CSMD1: variants seen among roughly 807,000 people sequenced by gnomAD.
CSMD1 encodes CUB and sushi domain-containing protein 1.
CSMD1 carries 213 observed loss-of-function variants against 417.5 expected under a neutral mutation model. The observed-to-expected ratio is 0.51, with a 90% CI of 0.46 to 0.57. CSMD1 has a LOEUF of 0.57. CSMD1 is among the 20% of genes least tolerant of loss of function. The pLI, the probability that CSMD1 is intolerant of heterozygous loss-of-function variation, is 0.00. For synonymous variants in CSMD1, 2,862 were observed against 1,736.8 expected (o/e 1.65, Z -16.11); for missense variants, 6,923 against 4,529.7 (o/e 1.53, Z -15.17).
intron 10 of CSMD1, among the ~76,000 whole-genome samples, chr8:3,521,624 G>A (rs189036962): frequency 6.6e-6 from 1 of 152,134 alleles, no homozygotes; most frequent in African/African-American, 2.4e-5. Flanking sequence ...CTTGTACACG[G>A]AGCAAAGTAC....
intron 10 of CSMD1, among the ~76,000 whole-genome samples, chr8:3,500,040 G>T (rs80168614): frequency 0.018 from 2,698 of 152,174 alleles, 69 homozygotes; most frequent in East Asian, 0.11. Flanking sequence ...CATCTGGGGT[G>T]GGAGTGTGAC....
chr8:4,006,496 A>G (rs917777236), intron 4 of CSMD1, among the ~76,000 whole-genome samples: 2 of 152,158 alleles, frequency 1.3e-5, no homozygotes, highest in African/African-American at 2.4e-5. Flanking sequence ...GTGAGCCAAG[A>G]TCACCCCACT....
intron 10 of CSMD1, among the ~76,000 whole-genome samples, chr8:3,558,966 T>A (rs1420424884): frequency 6.6e-6 from 1 of 152,048 alleles, no homozygotes; most frequent in African/African-American, 2.4e-5. Context: ...ACGGCAGAAT[T>A]GGAATGAAAA....
At chr8:4,084,082 C>G (rs1338160433) in intron 3 of CSMD1, among the ~76,000 whole-genome samples, 1 of 152,048 alleles carries the variant, frequency 6.6e-6, no homozygotes, top group African/African-American at 2.4e-5. Context: ...ATGAAAATGG[C>G]TAGTAATATT....
At chr8:3,549,156 G>C (rs764306305) in intron 10 of CSMD1, among the ~76,000 whole-genome samples, 6 of 152,180 alleles carry the variant, frequency 3.9e-5, no homozygotes, top group Non-Finnish European at 8.8e-5. Context: ...TTGGGTGTCT[G>C]CAAACTACAG....
intron 12 of CSMD1, among the ~76,000 whole-genome samples, chr8:3,433,046 G>C (rs945848288): frequency 7.9e-5 from 12 of 152,146 alleles, no homozygotes; most frequent in Admixed American, 6.6e-4. Flanking sequence ...AAATTTACTT[G>C]AAAACTGTGT....
chr8:3,284,492 G>C (rs1247597531), intron 25 of CSMD1, 146 bp from the exon 26 acceptor site: 3 of 639,794 alleles, frequency 4.7e-6, no homozygotes, highest in African/African-American at 1.8e-5. Context: ...TGAAGGATGA[G>C]GAAAATGAGG....
chr8:4,628,381 CACACATATATAT>C lies in CSMD1; in HGVS notation c.302+8949_302+8960del, dbSNP rs1296979080. Among the ~76,000 whole-genome samples, 373 of 146,160 alleles carry C rather than the reference CACACATATATAT, an allele frequency of 2.6e-3. 2 individuals carry two copies. The highest frequency in any genetic ancestry group is 6.9e-3 in the South Asian group (32 of 4,638). ...CTATGTATGTGTGTGTGTATATATA[CACACATATATAT>C]ACACATATATATACACATATATATA... On this transcript the variant is annotated intron_variant, in intron 2 of 69. Coordinates refer to ENST00000635120, the MANE Select transcript of CSMD1 (RefSeq NM_033225.6).
chr8:4,913,947 T>C (rs1239655674), intron 1 of CSMD1, among the ~76,000 whole-genome samples: 1 of 152,234 alleles, frequency 6.6e-6, no homozygotes, highest in Non-Finnish European at 1.5e-5. Context: ...AATAGGGCTC[T>C]AATTAATTGT....
chr8:3,972,413 G>C (rs147247479), intron 5 of CSMD1, among the ~76,000 whole-genome samples: 8 of 152,212 alleles, frequency 5.3e-5, no homozygotes, highest in Admixed American at 5.2e-4. Context: ...AAAGTCAAGT[G>C]ATTAACATTT....
chr8:4,442,862 G>A (rs548167755), intron 2 of CSMD1, among the ~76,000 whole-genome samples: 33 of 152,246 alleles, frequency 2.2e-4, no homozygotes, highest in African/African-American at 7.9e-4. Flanking sequence ...AGATGGGACT[G>A]TAAATTAATG....
chr8:3,397,243 C>T (rs1012622287), intron 16 of CSMD1, among the ~76,000 whole-genome samples: 1 of 152,142 alleles, frequency 6.6e-6, no homozygotes, highest in Non-Finnish European at 1.5e-5. Flanking sequence ...CTCACTCAGT[C>T]ACTTTGAGCC....
chr8:3,063,187 A>G (rs1477390572), intron 49 of CSMD1, among the ~76,000 whole-genome samples: 1 of 152,180 alleles, frequency 6.6e-6, no homozygotes, highest in African/African-American at 2.4e-5. Flanking sequence ...GCCTATCCTC[A>G]TCCTCCCTGA....
chr8:3,927,159 A>C (rs1809794798), intron 5 of CSMD1, among the ~76,000 whole-genome samples: 1 of 151,958 alleles, frequency 6.6e-6, no homozygotes, highest in Admixed American at 6.6e-5. Context: ...GGTTGTCATA[A>C]AGTTTTGAAG....
chr8:4,636,815 C>T (rs1402845909), intron 2 of CSMD1, among the ~76,000 whole-genome samples: 1 of 152,074 alleles, frequency 6.6e-6, no homozygotes, highest in Non-Finnish European at 1.5e-5. Flanking sequence ...GGGGTGAAGC[C>T]AGCTGGACTT....
chr8:4,281,783 CTG>C (rs377410297), intron 3 of CSMD1, among the ~76,000 whole-genome samples: 74 of 152,264 alleles, frequency 4.9e-4, no homozygotes, highest in African/African-American at 1.7e-3. Context: ...AAAGTGATAA[CTG>C]TATTAAAACT....
At chr8:3,393,766 A>G (rs1445540469) in intron 17 of CSMD1, among the ~76,000 whole-genome samples, 4 of 151,300 alleles carry the variant, frequency 2.6e-5, no homozygotes, top group Non-Finnish European at 5.9e-5. Context: ...ACATGTTCTC[A>G]CTCATAGGTG....
intron 3 of CSMD1, among the ~76,000 whole-genome samples, chr8:4,287,567 T>G (rs968100431): frequency 6.6e-6 from 1 of 152,106 alleles, no homozygotes; most frequent in African/African-American, 2.4e-5. Context: ...GGGGGACTAA[T>G]GTCTGCAAGC....
At chr8:4,728,030 AT>A (rs1188097793) in intron 1 of CSMD1, among the ~76,000 whole-genome samples, 1 of 145,448 alleles carries the variant, frequency 6.9e-6, no homozygotes, top group Admixed American at 7.0e-5. Context: ...TATTTTTTCT[AT>A]TTTTTTGGTT....
Sources: allele counts gnomAD v4.1 joint callset (sites outside exome capture counted in the v4.1 genomes callset), GRCh38; gene constraint gnomAD v4.1.1; transcripts MANE v1.5; gene names NCBI Gene and HGNC (gene_info 2026-07-23, HGNC 2026-07-21).